The following NALF1 variants were observed in gnomAD, a reference collection of about 807,000 sequenced individuals.
NALF1 encodes the protein NALCN channel auxiliary factor 1.
A neutral mutation model predicts 48.4 loss-of-function variants in NALF1; 3 were observed. That is an observed-to-expected ratio of 0.06 (90% confidence interval 0.03 to 0.16). NALF1 has a LOEUF of 0.16. Ranked by LOEUF, NALF1 falls within the 10% of genes least tolerant of loss-of-function variation. NALF1 has a pLI of 1.00. For missense variants in NALF1, 526 were observed against 571.5 expected (o/e 0.92, Z 0.81); for synonymous variants, 262 against 245.7 (o/e 1.07, Z -0.62).
At chr13:107,343,311 G>T (rs1882715519) in intron 1 of NALF1, among the ~76,000 whole-genome samples, 1 of 152,158 alleles carries the variant, frequency 6.6e-6, no homozygotes, top group Admixed American at 6.6e-5. Flanking sequence ...AAATTGATAT[G>T]GTTTGACTTT....
intron 1 of NALF1, among the ~76,000 whole-genome samples, chr13:107,269,542 G>T (rs1239977216): frequency 6.6e-6 from 1 of 152,116 alleles, no homozygotes; most frequent in Non-Finnish European, 1.5e-5. Context: ...TTGTATTTCT[G>T]TATGTGAATT....
intron 1 of NALF1, among the ~76,000 whole-genome samples, chr13:107,805,180 T>A (rs1463046842): frequency 2.6e-5 from 4 of 152,198 alleles, no homozygotes; most frequent in Non-Finnish European, 2.9e-5. Flanking sequence ...TGAGTCTAAT[T>A]ATGTAACATT....
At chr13:107,205,125 T>C (rs945472958) in intron 2 of NALF1, among the ~76,000 whole-genome samples, 1 of 152,058 alleles carries the variant, frequency 6.6e-6, no homozygotes, top group Non-Finnish European at 1.5e-5. Context: ...CATCTAGCAT[T>C]AGGTATATCT....
intron 1 of NALF1, among the ~76,000 whole-genome samples, chr13:107,848,395 A>G (rs1594312303): frequency 6.6e-6 from 1 of 152,212 alleles, no homozygotes; most frequent in Non-Finnish European, 1.5e-5. Flanking sequence ...AAATGATTCA[A>G]TTTCAAGAGG....
At chr13:107,650,217 G>A (rs1442883889) in intron 1 of NALF1, among the ~76,000 whole-genome samples, 1 of 152,004 alleles carries the variant, frequency 6.6e-6, no homozygotes, top group Non-Finnish European at 1.5e-5. Context: ...CAAGTCGATA[G>A]TGCCTGTCTA....
chr13:107,529,777 T>A (rs1322733347), intron 1 of NALF1, among the ~76,000 whole-genome samples: 1 of 152,068 alleles, frequency 6.6e-6, no homozygotes, highest in African/African-American at 2.4e-5. Flanking sequence ...GGAACGGGCA[T>A]CACCTGAAGG....
At chr13:107,268,142 A>G (rs1881081319) in intron 1 of NALF1, among the ~76,000 whole-genome samples, 3 of 151,866 alleles carry the variant, frequency 2.0e-5, no homozygotes, top group Non-Finnish European at 4.4e-5. Flanking sequence ...ATGCACCACC[A>G]CCACACCCAG....
chr13:107,193,100 A>G (rs550833029), intron 2 of NALF1, among the ~76,000 whole-genome samples: 1 of 152,236 alleles, frequency 6.6e-6, no homozygotes, highest in African/African-American at 2.4e-5. Context: ...TTGAAACACT[A>G]TTTATGGTAT....
chr13:107,306,800 C>A (rs1566480567), intron 1 of NALF1, among the ~76,000 whole-genome samples: 2 of 151,966 alleles, frequency 1.3e-5, no homozygotes, highest in Non-Finnish European at 2.9e-5. Context: ...CCTGTCTCTA[C>A]AAAAAATAAA....
chr13:107,701,624 T>C (rs1347535383), intron 1 of NALF1, among the ~76,000 whole-genome samples: 1 of 152,106 alleles, frequency 6.6e-6, no homozygotes, highest in African/African-American at 2.4e-5. Context: ...AAACACAAAG[T>C]AGCAGATATG....
chr13:107,828,601 AT>A (rs1342289170), intron 1 of NALF1, among the ~76,000 whole-genome samples: 39 of 34,138 alleles, frequency 1.1e-3, no homozygotes, highest in Non-Finnish European at 2.9e-3. Flanking sequence ...CTATATCTAT[AT>A]CTATACACAC....
intron 1 of NALF1, among the ~76,000 whole-genome samples, chr13:107,720,974 A>G (rs1307502614): frequency 6.6e-6 from 1 of 152,146 alleles, no homozygotes; most frequent in Non-Finnish European, 1.5e-5. Flanking sequence ...TGCTAAATCC[A>G]TTTGTATCCA....
chr13:107,192,212 TA>T lies in NALF1; in HGVS notation c.1087+18371del, dbSNP rs138423077. ...ACTTATAAAAAGGAAATATTAATTA[TA>T]ATAACCTGTGGTAGCGCTCCTGACA... On this transcript the variant is annotated intron_variant, in intron 2 of 2. Coordinates refer to ENST00000375915, the MANE Select transcript of NALF1 (RefSeq NM_001080396.3). 9.5e-3 allele frequency among the ~76,000 whole-genome samples: 1,441 copies of T among 152,312 alleles called. 15 individuals are homozygous for T. The highest frequency in any genetic ancestry group is 0.015 in the Non-Finnish European group (1,000 of 68,028).
chr13:107,468,032 A>G (rs9520458), intron 1 of NALF1, among the ~76,000 whole-genome samples: 107,001 of 146,990 alleles, frequency 0.73, 39,434 homozygotes, highest in Middle Eastern at 0.83. Flanking sequence ...TGGGCGACAG[A>G]GCGAGACTCC....
intron 1 of NALF1, among the ~76,000 whole-genome samples, chr13:107,379,707 A>C (rs1883398308): frequency 6.6e-6 from 1 of 152,150 alleles, no homozygotes; most frequent in African/African-American, 2.4e-5. Context: ...TTCACTTCTC[A>C]TCCAAGAACC....
At chr13:107,307,481 A>T (rs1165226979) in intron 1 of NALF1, among the ~76,000 whole-genome samples, 2 of 151,128 alleles carry the variant, frequency 1.3e-5, no homozygotes, top group African/African-American at 4.9e-5. Context: ...TTTTATTTTT[A>T]TTTTTATTTT....
intron 2 of NALF1, among the ~76,000 whole-genome samples, chr13:107,193,655 G>A (rs959379583): frequency 7.9e-5 from 12 of 152,056 alleles, no homozygotes; most frequent in Non-Finnish European, 1.2e-4. Context: ...TAACCCGACC[G>A]ACCAGAGAAT....
chr13:107,616,539 A>G (rs1879384579), intron 1 of NALF1, among the ~76,000 whole-genome samples: 1 of 152,220 alleles, frequency 6.6e-6, no homozygotes, highest in Admixed American at 6.5e-5. Flanking sequence ...TTTGGTTTTG[A>G]AACAGAAACC....
chr13:107,415,874 C>G (rs1884075844), intron 1 of NALF1, among the ~76,000 whole-genome samples: 1 of 152,158 alleles, frequency 6.6e-6, no homozygotes. Flanking sequence ...TTGGACACAT[C>G]AACTCTGAGT....
Sources: gnomAD v4.1 joint callset for allele counts (sites outside exome capture counted in the v4.1 genomes callset) on GRCh38, gnomAD v4.1.1 for gene constraint, MANE v1.5 for transcripts, NCBI Gene and HGNC (gene_info 2026-07-23, HGNC 2026-07-21) for gene names.